Variants in PKD1L3 observed in about 807,000 individuals in gnomAD.
The protein encoded by PKD1L3 is polycystin 1 like 3, transient receptor potential channel interacting, also known as polycystin-1-like protein 3.
A neutral mutation model predicts 184.1 loss-of-function variants in PKD1L3; 239 were observed. The ratio of observed to expected loss-of-function variants is 1.30; its 90% CI spans 1.17 to 1.45. The LOEUF (loss-of-function observed/expected upper bound fraction) is 1.45, where lower values mean the gene tolerates loss of function less well. Among genes scored for constraint, PKD1L3 ranks in the 40% most tolerant of loss-of-function variants. The pLI is 0.00. For missense variants in PKD1L3, 2,660 were observed against 2,067.2 expected (o/e 1.29, Z -5.56); for synonymous variants, 996 against 778.8 (o/e 1.28, Z -4.64).
In PKD1L3 at chr16:71,942,763, G is replaced by A; in HGVS notation, c.4121C>T (p.Thr1374Ile). 1 of 1,551,634 alleles carries A rather than the reference G, an allele frequency of 6.4e-7. No homozygotes were observed. The highest frequency in any genetic ancestry group is 8.7e-7 in the Non-Finnish European group (1 of 1,146,994). ...CTGACCTTCGTCCACTTTCTCATAGGTCTTGGTACGGGGTATTTGGAAAAT... is the reference window on the plus strand; with the variant it reads ...CTGACCTTCGTCCACTTTCTCATAGATCTTGGTACGGGGTATTTGGAAAAT... ...QLIFQIPRTK[T>I]YEKVDEGQLA... The change falls in exon 24 of 30, where the codon ACC becomes ATC. Residue 1374 changes from threonine to isoleucine, a missense_variant. Transcript: ENST00000620267.
chr16:71,951,310 G>A (rs187333265), intron 19 of PKD1L3, among the ~76,000 whole-genome samples: 2 of 152,316 alleles, frequency 1.3e-5, no homozygotes, highest in South Asian at 2.1e-4. Flanking sequence ...AAAGTGCCGG[G>A]ATTACAGGCG....
intron 6 of PKD1L3, among the ~76,000 whole-genome samples, chr16:71,983,568 C>T (rs545028159): frequency 6.6e-6 from 1 of 151,694 alleles, no homozygotes; most frequent in Non-Finnish European, 1.5e-5. Context: ...TCATAACTTT[C>T]CAGATTTAAA....
chr16:71,931,406 A>G (rs547863514), intron 28 of PKD1L3, among the ~76,000 whole-genome samples: 1 of 137,098 alleles, frequency 7.3e-6, no homozygotes, highest in Non-Finnish European at 1.6e-5. Flanking sequence ...TAAGTCCCTT[A>G]TTTTTATTTT....
intron 13 of PKD1L3, 73 bp from the exon 14 acceptor site, chr16:71,968,080 A>G (rs984328307): frequency 2.2e-5 from 27 of 1,248,352 alleles, no homozygotes; most frequent in African/African-American, 9.1e-5. Context: ...CCAGCTGAGG[A>G]GCAGGAGGAT....
chr16:71,987,623 C>A (rs772682266), intron 4 of PKD1L3, among the ~76,000 whole-genome samples: 1 of 152,076 alleles, frequency 6.6e-6, no homozygotes, highest in Non-Finnish European at 1.5e-5. Context: ...TGATCCGCCA[C>A]CTCGGCCTCC....
chr16:71,961,091 G>A (rs1480070226), intron 16 of PKD1L3, among the ~76,000 whole-genome samples: 3 of 151,688 alleles, frequency 2.0e-5, no homozygotes, highest in Admixed American at 2.0e-4. Flanking sequence ...ACTTCTTGCT[G>A]AGAGTCCATG....
intron 14 of PKD1L3, among the ~76,000 whole-genome samples, chr16:71,967,704 A>AC (rs1261099299): frequency 6.6e-6 from 1 of 151,112 alleles, no homozygotes; most frequent in Non-Finnish European, 1.5e-5. Context: ...ACCTTAGGTG[A>AC]CCTCCCCACC....
chr16:71,979,499 CAAA>C (rs1057389382), intron 9 of PKD1L3, among the ~76,000 whole-genome samples: 2 of 151,528 alleles, frequency 1.3e-5, no homozygotes, highest in African/African-American at 4.9e-5. Context: ...AACAAGAAAA[CAAA>C]AAACACAACA....
chr16:71,984,727 T>C (rs907718622), intron 5 of PKD1L3, among the ~76,000 whole-genome samples: 1 of 152,098 alleles, frequency 6.6e-6, no homozygotes, highest in African/African-American at 2.4e-5. Context: ...GGCTTGGTGG[T>C]GTACACCTGT....
intron 2 of PKD1L3, among the ~76,000 whole-genome samples, chr16:71,993,875 A>G (rs866918907): frequency 1.8e-4 from 28 of 152,282 alleles, no homozygotes; most frequent in African/African-American, 6.5e-4. Context: ...TCTGGGTTCA[A>G]GTGATTCTCC....
At chr16:71,934,297 A>G (rs2038097988) in intron 26 of PKD1L3, among the ~76,000 whole-genome samples, 172 bp from the exon 27 acceptor site, 1 of 152,150 alleles carries the variant, frequency 6.6e-6, no homozygotes, top group Non-Finnish European at 1.5e-5. Context: ...ATATGGGAGT[A>G]ACAGAAGGCC....
intron 16 of PKD1L3, among the ~76,000 whole-genome samples, chr16:71,960,625 G>A (rs748579145): frequency 7.9e-5 from 12 of 151,720 alleles, no homozygotes; most frequent in South Asian, 2.1e-4. Flanking sequence ...ATGTCTATAC[G>A]GTAAAAACTT....
chr16:71,944,155 G>A lies in PKD1L3; in HGVS notation c.3734C>T (p.Ser1245Leu), dbSNP rs1365533048. ...ILALLAKCSS[S>L]VPGSRDKNNP... ...GTTCTTATCTCTTGAACCTGGTACT[G>A]ACGAAGAACATTTTGCTGTCAAAAA... Residue 1245 changes from serine (S) to leucine (L), a missense_variant, in exon 23 of 30, where the codon TCA becomes TTA. Physicochemically the swap from Ser to Leu is moderately radical, Grantham distance 145. Coordinates refer to ENST00000620267, the MANE Select transcript of PKD1L3 (RefSeq NM_181536.2). 6.5e-7 allele frequency: 1 copy of A among 1,549,572 alleles called. No homozygotes were observed. Among genetic ancestry groups the A allele is most frequent in the Non-Finnish European group, 8.7e-7 (1 of 1,146,024 alleles).
rs1260311275 is a variant in PKD1L3, at chr16:72,000,130, C to G, written c.-152G>C. ...TACAAAAGGTTTTGTTTTGAGGACCCAGGTGCAGGTCCTACAAGCTGAAAA... is the reference window on the plus strand; with the variant it reads ...TACAAAAGGTTTTGTTTTGAGGACCGAGGTGCAGGTCCTACAAGCTGAAAA... On this transcript the variant is annotated 5_prime_UTR_variant, in exon 1 of 30. Coordinates refer to ENST00000620267, the MANE Select transcript of PKD1L3 (RefSeq NM_181536.2). Among the ~76,000 whole-genome samples, 1 of 148,924 alleles carries G rather than the reference C, an allele frequency of 6.7e-6. No individual in the cohort carries two copies. Among genetic ancestry groups the G allele is most frequent in the Non-Finnish European group, 1.5e-5 (1 of 68,004 alleles).
chr16:71,967,006 G>C, intron 15 of PKD1L3, 131 bp downstream of exon 15: 2 of 1,078,022 alleles, frequency 1.9e-6, no homozygotes, highest in Non-Finnish European at 2.6e-6. Context: ...AGACAGCTTT[G>C]AAACTGAAAT....
chr16:71,961,976 G>A (rs1182997731), intron 16 of PKD1L3, among the ~76,000 whole-genome samples: 1 of 152,194 alleles, frequency 6.6e-6, no homozygotes, highest in African/African-American at 2.4e-5. Context: ...TGAGGCTGGA[G>A]CACAGTGGCT....
chr16:71,972,478 G>A (rs1326997623), intron 12 of PKD1L3, among the ~76,000 whole-genome samples: 2 of 152,086 alleles, frequency 1.3e-5, no homozygotes, highest in Non-Finnish European at 2.9e-5. Flanking sequence ...GAGCTCAGAA[G>A]TTCAAGACCA....
At position 71,953,006 on chromosome 16, in the gene PKD1L3, C is replaced by T. The variant is rs760085718; in HGVS notation, c.2897G>A (p.Arg966Gln). 67 of 1,548,758 alleles carry T rather than the reference C, an allele frequency of 4.3e-5. No homozygotes were observed. The highest frequency in any genetic ancestry group is 5.1e-5 in the Non-Finnish European group (59 of 1,145,892). ...ILFPINLVIG[R>Q]LFPLIEPQET... ...CTGTGGCTCAATCAACGGGAAGAGC[C>T]GCCCTATGACAAGATTGATTGGGAA... Residue 966 changes from arginine (R) to glutamine (Q), a missense_variant, in exon 18 of 30, where the codon CGG becomes CAG. Coordinates refer to ENST00000620267, the MANE Select transcript of PKD1L3 (RefSeq NM_181536.2).
At chr16:71,932,658 T>C (rs1173193864) in intron 28 of PKD1L3, among the ~76,000 whole-genome samples, 1 of 152,044 alleles carries the variant, frequency 6.6e-6, no homozygotes, top group African/African-American at 2.4e-5. Flanking sequence ...TTTGTGTTTT[T>C]ATTAGAGATG....
Sources: gnomAD v4.1 joint callset for allele counts (sites outside exome capture counted in the v4.1 genomes callset) on GRCh38, gnomAD v4.1.1 for gene constraint, MANE v1.5 for transcripts, NCBI Gene and HGNC (gene_info 2026-07-23, HGNC 2026-07-21) for gene names.